CLCN7: variants seen among roughly 807,000 people sequenced by gnomAD.
CLCN7 encodes H(+)/Cl(-) exchange transporter 7.
A neutral mutation model predicts 102.1 loss-of-function variants in CLCN7; 60 were observed. That is an observed-to-expected ratio of 0.59 (90% CI 0.48 to 0.73). The LOEUF (loss-of-function observed/expected upper bound fraction) is 0.73, where lower values mean the gene tolerates loss of function less well. CLCN7 is among the 30% of genes least tolerant of loss of function. The pLI is 0.00. For missense variants in CLCN7, 962 were observed against 1,125.7 expected (o/e 0.85, Z 2.08); for synonymous variants, 560 against 490.5 (o/e 1.14, Z -1.87).
In CLCN7 at chr16:1,457,277, T is replaced by C. The variant is rs755655596; in HGVS notation, c.799A>G (p.Thr267Ala). ...ACCTTGAAATCTCGTTTCAGTGACG[T>C]TGACCTTCCCTGAGAGATCCCGGCG... The part of the protein sequence containing the change: ...IAAGISQGRS[T>A]SLKRDFKIFE... The change falls in exon 9 of 25, where the codon ACG becomes GCG. Residue 267 changes from threonine (T) to alanine (A), a missense_variant. Around this residue, in one of 2 missense-constraint regions of CLCN7, gnomAD observed 799 missense variants for 988.0 expected, o/e 0.81. Transcript: ENST00000382745. The surrounding 1 kb of genome is among the most constrained non-coding windows in gnomAD (Gnocchi z 5.4). 1 of 1,614,070 alleles carries C rather than the reference T, an allele frequency of 6.2e-7. No homozygotes were observed. Among genetic ancestry groups the C allele is most frequent in the South Asian group, 1.1e-5 (1 of 91,088 alleles).
intron 7 of CLCN7, among the ~76,000 whole-genome samples, chr16:1,458,404 G>A (rs986365018): frequency 2.0e-5 from 3 of 152,270 alleles, no homozygotes; most frequent in Admixed American, 6.5e-5. Context: ...GAAGGTTCAG[G>A]CCAGCCTGGC....
intron 23 of CLCN7, 94 bp downstream of exon 23, chr16:1,447,298 T>TG: frequency 7.5e-7 from 1 of 1,329,126 alleles, no homozygotes. Context: ...CTCTCCGCTG[T>TG]GGCCCCCCCC....
At chr16:1,459,059 CA>C in intron 7 of CLCN7, 47 bp downstream of exon 7, 1 of 1,506,326 alleles carries the variant, frequency 6.6e-7, no homozygotes, top group East Asian at 2.3e-5. Flanking sequence ...CCTGAACCAG[CA>C]AAGAGCGGGC....
At position 1,457,202 on chromosome 16, in the gene CLCN7, C is replaced by T. The variant is rs373526026; in HGVS notation, c.822+52G>A. 6.8e-4 allele frequency: 1,026 copies of T among 1,499,984 alleles called. 7 individuals are homozygous for T. The highest frequency in any genetic ancestry group is 3.4e-3 in the Middle Eastern group (20 of 5,874). 92.9% of individuals were successfully genotyped at this position (1,499,984 alleles called of 1,614,324 possible). A position where few individuals can be genotyped will look rare whatever the true frequency, so the allele number is the denominator to read the frequency against. ...GAAGCCCATCTCCCTGAGTGGTGCC[C>T]GTGCCCGTGCCCATGGCATCTGGAG... On this transcript the variant is annotated intron_variant, in intron 9 of 24. Coordinates refer to ENST00000382745, the MANE Select transcript of CLCN7 (RefSeq NM_001287.6). The surrounding 1 kb of genome is among the most constrained non-coding windows in gnomAD (Gnocchi z 5.4).
chr16:1,446,397 A>C lies in CLCN7; in HGVS notation c.*234T>G. 1 of 702,350 alleles carries C rather than the reference A, an allele frequency of 1.4e-6. No homozygotes were observed. Among genetic ancestry groups the C allele is most frequent in the Non-Finnish European group, 2.6e-6 (1 of 384,820 alleles). 43.5% of individuals were successfully genotyped at this position (702,350 alleles called of 1,614,324 possible). ...GAGGTAAAGAAACCTAGACGAGGAG[A>C]GTGGAGGCTGGGCCTGCGCAAGGAG... On this transcript the variant is annotated 3_prime_UTR_variant, in exon 25 of 25. Coordinates refer to ENST00000382745, the MANE Select transcript of CLCN7 (RefSeq NM_001287.6).
chr16:1,446,760 C>A, intron 24 of CLCN7, 43 bp from the exon 25 acceptor site: 1 of 1,503,242 alleles, frequency 6.7e-7, no homozygotes, highest in Non-Finnish European at 9.1e-7. Context: ...GGGTCGGCTC[C>A]CGCCTGCCTG....
chr16:1,471,858 C>T (rs1395938269), intron 1 of CLCN7: 1 of 152,312 alleles, frequency 6.6e-6, no homozygotes, highest in African/African-American at 2.4e-5. Context: ...GAATGGGGTC[C>T]TAGCTTCCCA....
chr16:1,473,485 T>C (rs185442904), intron 1 of CLCN7, among the ~76,000 whole-genome samples: 1 of 145,586 alleles, frequency 6.9e-6, no homozygotes, highest in African/African-American at 2.6e-5. Flanking sequence ...TTGATTCTCC[T>C]GCCTCAGCCT....
intron 2 of CLCN7, among the ~76,000 whole-genome samples, chr16:1,462,770 C>G (rs73492080): frequency 3.3e-5 from 5 of 151,214 alleles, no homozygotes; most frequent in Non-Finnish European, 7.4e-5. Flanking sequence ...AAAACATGTA[C>G]GATCAATTGA....
intron 10 of CLCN7, 124 bp from the exon 11 acceptor site, chr16:1,455,919 C>A: frequency 8.6e-7 from 1 of 1,158,666 alleles, no homozygotes; most frequent in Admixed American, 2.0e-5. Context: ...GGGTGGGCCC[C>A]AGCCACACAG....
In CLCN7 at chr16:1,452,859, C is replaced by G; in HGVS notation, c.1249G>C (p.Ala417Pro). 1 of 1,579,078 alleles carries G rather than the reference C, an allele frequency of 6.3e-7. No individual in the cohort carries two copies. Among genetic ancestry groups the G allele is most frequent in the African/African-American group, 1.4e-5 (1 of 74,036 alleles). ...GCCGTGACGGCGGCCACCAGCACGGCCTCAATCACCTGCAGGCAGGGCCGG... is the reference window on the plus strand; with the variant it reads ...GCCGTGACGGCGGCCACCAGCACGGGCTCAATCACCTGCAGGCAGGGCCGG... ...IHRPCLQVIE[A>P]VLVAAVTATV... Residue 417 changes from alanine to proline, a missense_variant, in exon 15 of 25, where the codon GCC (alanine) becomes CCC (proline). Ala to Pro is a conservative substitution (Grantham distance 27). Around this residue, in one of 2 missense-constraint regions of CLCN7, gnomAD observed 799 missense variants for 988.0 expected, o/e 0.81. Transcript: ENST00000382745.
intron 1 of CLCN7, chr16:1,474,079 C>T (rs2039116452): frequency 2.4e-6 from 1 of 414,644 alleles, no homozygotes; most frequent in Admixed American, 2.6e-5. Flanking sequence ...AGTGAAACTC[C>T]GTCTCAAAAA....
chr16:1,474,901 CGCA>C lies in CLCN7; in HGVS notation c.71_73del (p.Leu24del). 1.4e-6 allele frequency: 2 copies of C among 1,461,696 alleles called. No homozygotes were observed. Among genetic ancestry groups the C allele is most frequent in the Non-Finnish European group, 1.8e-6 (2 of 1,110,128 alleles). The allele number at this position is 1,461,696 out of a possible 1,614,324, so 90.5% of individuals were successfully genotyped here. ...CCCCCCGCCGGGCCGCGCCGTCCTC[CGCA>C]GCAGCGGCGCCGCCTCCTCGTCGTC... On this transcript the variant is annotated inframe_deletion, in exon 1 of 25. Coordinates refer to ENST00000382745, the MANE Select transcript of CLCN7 (RefSeq NM_001287.6).
rs184833329 is a variant in CLCN7, at chr16:1,446,647, G to C, written c.2402C>G (p.Ser801Trp). Residue 801 changes from serine (S) to tryptophan (W), a missense_variant, in exon 25 of 25, where the codon TCG (serine) becomes TGG (tryptophan). Coordinates refer to ENST00000382745, the MANE Select transcript of CLCN7 (RefSeq NM_001287.6). ...GGCTGGGCCTCACGTCTGGGCCAGC[G>C]AGAGCTCCTCCAAGCCTCTCTTTCC... ...RLGKRGLEEL[S>W]LAQT The C allele has an allele frequency of 6.4e-7, 1 of 1,571,110 alleles. No homozygotes were observed. Among genetic ancestry groups the C allele is most frequent in the Non-Finnish European group, 8.6e-7 (1 of 1,158,418 alleles).
intron 2 of CLCN7, among the ~76,000 whole-genome samples, chr16:1,463,012 G>A (rs1441322230): frequency 6.6e-6 from 1 of 152,120 alleles, no homozygotes; most frequent in Non-Finnish European, 1.5e-5. Flanking sequence ...TATTAGCTGA[G>A]TATGGTGACA....
intron 9 of CLCN7, 47 bp from the exon 10 acceptor site, chr16:1,456,253 G>A (rs971540460): frequency 3.5e-6 from 5 of 1,421,752 alleles, no homozygotes; most frequent in Non-Finnish European, 4.9e-6. Flanking sequence ...TTGAGGGCAC[G>A]GCTCTCAGAA....
chr16:1,459,922 TC>T, intron 6 of CLCN7, among the ~76,000 whole-genome samples: 1 of 130,798 alleles, frequency 7.6e-6, no homozygotes. Context: ...AGCACACACG[TC>T]GGGGCCTCAG....
Position 1,449,294 on chromosome 16 carries a change from C to A in CLCN7, c.1651G>T (p.Gly551Ter). The change falls in exon 18 of 25, where the codon GGA becomes TGA. Residue 551 changes from glycine to a stop codon, truncating the protein, a stop_gained. Coordinates refer to ENST00000382745, the MANE Select transcript of CLCN7 (RefSeq NM_001287.6). LOFTEE classifies it high-confidence loss of function. ...WADPGKYALM[G>*]AAAQLGGIVR... ...GACATACCCAGCTGGGCAGCAGCTC[C>A]CATCAGGGCGTATTTGCCGGGGTCC... The A allele has an allele frequency of 6.3e-7, 1 of 1,588,916 alleles. No homozygotes were observed. Among genetic ancestry groups the A allele is most frequent in the Non-Finnish European group, 8.6e-7 (1 of 1,168,042 alleles).
chr16:1,465,122 G>A (rs2038986956), intron 2 of CLCN7, 145 bp downstream of exon 2: 2 of 744,498 alleles, frequency 2.7e-6, no homozygotes, highest in African/African-American at 1.7e-5. Flanking sequence ...TGGCGTCAGG[G>A]ACCATGTCCC....
Sources: gnomAD v4.1 joint callset for allele counts (sites outside exome capture counted in the v4.1 genomes callset) on GRCh38, gnomAD v4.1.1 for gene constraint, gnomAD v4.1.1 regional missense constraint, Gnocchi (gnomAD v3.1) non-coding constraint, MANE v1.5 for transcripts, NCBI Gene and HGNC (gene_info 2026-07-23, HGNC 2026-07-21) for gene names.